The following CNTNAP5 variants were observed in gnomAD, a reference collection of about 807,000 sequenced individuals.
The protein encoded by CNTNAP5 is contactin-associated protein-like 5.
In CNTNAP5, 72 loss-of-function variants were observed where a neutral mutation model predicts 150.2. That is an observed-to-expected ratio of 0.48 (90% confidence interval 0.40 to 0.58). The LOEUF is 0.58. Ranked by LOEUF, CNTNAP5 falls within the 20% of genes least tolerant of loss-of-function variation. The pLI is 0.00. For synonymous variants in CNTNAP5, 672 were observed against 619.8 expected (o/e 1.08, Z -1.25); for missense variants, 1,636 against 1,626.2 (o/e 1.01, Z -0.10).
chr2:124,484,981 A>G (rs1371014131), intron 7 of CNTNAP5, among the ~76,000 whole-genome samples: 2 of 152,184 alleles, frequency 1.3e-5, no homozygotes, highest in Non-Finnish European at 2.9e-5. Flanking sequence ...CAGGACGCCT[A>G]GTAAGTAGGG....
chr2:124,331,838 T>G (rs1349269841), intron 3 of CNTNAP5, among the ~76,000 whole-genome samples: 2 of 152,012 alleles, frequency 1.3e-5, no homozygotes, highest in East Asian at 3.8e-4. Context: ...CCTCTTTTTG[T>G]AATTCACTCA....
At chr2:124,900,347 G>T (rs1267607844) in intron 21 of CNTNAP5, among the ~76,000 whole-genome samples, 1 of 151,384 alleles carries the variant, frequency 6.6e-6, no homozygotes, top group Non-Finnish European at 1.5e-5. Flanking sequence ...TCTAACTTTT[G>T]TCTTATTTTT....
intron 23 of CNTNAP5, among the ~76,000 whole-genome samples, 168 bp from the exon 24 acceptor site, chr2:124,913,924 G>A (rs1025861122): frequency 2.6e-5 from 4 of 152,020 alleles, no homozygotes; most frequent in Non-Finnish European, 5.9e-5. Context: ...TGAAGACAGG[G>A]CCTTTCAGCA....
chr2:124,123,626 C>T (rs1003901644), intron 1 of CNTNAP5, among the ~76,000 whole-genome samples: 4 of 152,110 alleles, frequency 2.6e-5, no homozygotes, highest in Non-Finnish European at 2.9e-5. Context: ...CCCTGACCCC[C>T]GAGTAGCCTA....
chr2:124,312,323 G>T (rs1688849497), intron 3 of CNTNAP5, among the ~76,000 whole-genome samples: 1 of 152,100 alleles, frequency 6.6e-6, no homozygotes, highest in Non-Finnish European at 1.5e-5. Context: ...AGAATTCTTA[G>T]TGATGAGTTA....
intron 13 of CNTNAP5, among the ~76,000 whole-genome samples, chr2:124,660,068 AAGG>A (rs1678554666): frequency 6.6e-6 from 1 of 150,954 alleles, no homozygotes. Flanking sequence ...GGAAGGAAGG[AAGG>A]AAGGAAGGAA....
intron 3 of CNTNAP5, among the ~76,000 whole-genome samples, chr2:124,366,881 G>A (rs1690385901): frequency 6.6e-6 from 1 of 152,114 alleles, no homozygotes; most frequent in Admixed American, 6.6e-5. Flanking sequence ...GGCCAAAGAG[G>A]TTCTCTTCTG....
intron 8 of CNTNAP5, among the ~76,000 whole-genome samples, chr2:124,519,846 G>A (rs1694813427): frequency 6.6e-6 from 1 of 152,152 alleles, no homozygotes; most frequent in Non-Finnish European, 1.5e-5. Flanking sequence ...AAAGCGCAGG[G>A]CAGCCTATTT....
intron 23 of CNTNAP5, among the ~76,000 whole-genome samples, chr2:124,911,960 TG>T (rs1472320190): frequency 6.6e-6 from 1 of 152,066 alleles, no homozygotes; most frequent in Admixed American, 6.6e-5. Flanking sequence ...CCAAGTGATT[TG>T]GGTTAGGTCT....
At chr2:124,747,788 CTTTTTTTTTTT>C (rs34959025) in intron 14 of CNTNAP5, among the ~76,000 whole-genome samples, 1 of 42,438 alleles carries the variant, frequency 2.4e-5, no homozygotes, top group African/African-American at 9.2e-5. Flanking sequence ...CCTAACTCTT[CTTTTTTTTTTT>C]TTTTTTTTTT....
At chr2:124,435,483 A>G (rs1692508207) in intron 5 of CNTNAP5, among the ~76,000 whole-genome samples, 2 of 152,184 alleles carry the variant, frequency 1.3e-5, no homozygotes, top group African/African-American at 4.8e-5. Context: ...ACACTCTTCT[A>G]TAGAAAAAAG....
intron 12 of CNTNAP5, among the ~76,000 whole-genome samples, chr2:124,612,018 CG>C (rs1677394819): frequency 6.6e-6 from 1 of 152,132 alleles, no homozygotes; most frequent in Non-Finnish European, 1.5e-5. Flanking sequence ...ACTTAGGAAG[CG>C]GGCATAGCCT....
chr2:124,756,894 T>G (rs1323441671), intron 14 of CNTNAP5, among the ~76,000 whole-genome samples: 1 of 152,082 alleles, frequency 6.6e-6, no homozygotes, highest in Non-Finnish European at 1.5e-5. Flanking sequence ...GTAATAAACT[T>G]GCACATCTTG....
intron 19 of CNTNAP5, among the ~76,000 whole-genome samples, chr2:124,839,395 C>T (rs927094583): frequency 6.6e-6 from 1 of 151,902 alleles, no homozygotes; most frequent in African/African-American, 2.4e-5. Flanking sequence ...TGCACACAAT[C>T]TGCCACCAAA....
At chr2:124,315,330 C>G (rs535653757) in intron 3 of CNTNAP5, among the ~76,000 whole-genome samples, 1 of 152,238 alleles carries the variant, frequency 6.6e-6, no homozygotes, top group South Asian at 2.1e-4. Flanking sequence ...CTTCCTCCAT[C>G]AGAGGAAAAC....
intron 1 of CNTNAP5, among the ~76,000 whole-genome samples, chr2:124,073,523 A>G (rs1367782763): frequency 6.6e-6 from 1 of 151,840 alleles, no homozygotes; most frequent in Non-Finnish European, 1.5e-5. Context: ...GGAAAGATTG[A>G]CTGAGATCTG....
chr2:124,618,378 G>T (rs968268153), intron 12 of CNTNAP5, among the ~76,000 whole-genome samples: 1 of 152,142 alleles, frequency 6.6e-6, no homozygotes, highest in East Asian at 1.9e-4. Context: ...CGTATGGCTT[G>T]TTCAAATTAG....
In CNTNAP5 at chr2:124,195,457, GCACCGA is replaced by G. The variant is rs570856925; in HGVS notation, c.83-26245_83-26240del. On this transcript the variant is annotated intron_variant, in intron 1 of 23. Transcript: ENST00000682447. ...TTGCAATACTCAACACTGTCCCACA[GCACCGA>G]CAGAAGCCCCATAGACATGATGCAA... Among the ~76,000 whole-genome samples, 8 of 152,284 alleles carry G rather than the reference GCACCGA, an allele frequency of 5.3e-5. No individual in the cohort carries two copies. In the South Asian group the frequency reaches 1.2e-3, roughly 24 times the overall value.
At chr2:124,399,406 A>G (rs1187439638) in intron 3 of CNTNAP5, among the ~76,000 whole-genome samples, 1 of 152,186 alleles carries the variant, frequency 6.6e-6, no homozygotes, top group African/African-American at 2.4e-5. Flanking sequence ...TCTTTCCTGC[A>G]AGAATCTGCT....
Sources: gnomAD v4.1 joint callset for allele counts (sites outside exome capture counted in the v4.1 genomes callset) on GRCh38, gnomAD v4.1.1 for gene constraint, MANE v1.5 for transcripts, NCBI Gene and HGNC (gene_info 2026-07-23, HGNC 2026-07-21) for gene names.